DSTYK: variants seen among roughly 807,000 people sequenced by gnomAD.
The protein encoded by DSTYK is RIP-homologous kinase.
Under a neutral mutation model 98.7 loss-of-function variants are expected in DSTYK, and 34 were observed. The observed-to-expected ratio is 0.34, with a 90% CI of 0.26 to 0.46. The LOEUF (loss-of-function observed/expected upper bound fraction) is 0.46. DSTYK is among the 20% of genes least tolerant of loss of function. DSTYK has a pLI of 1.00. For synonymous variants in DSTYK, 462 were observed against 457.3 expected (o/e 1.01, Z -0.13); for missense variants, 962 against 1,181.7 (o/e 0.81, Z 2.73).
chr1:205,143,846 T>A lies in DSTYK; in HGVS notation c.*3712A>T, dbSNP rs1657143299. Reference sequence around the variant, plus strand: ...CCCCTATTTCTATCTGTGGTAGTAATGCATTCTTTCCTCCACTGCTTCCTT... The same window carrying A: ...CCCCTATTTCTATCTGTGGTAGTAAAGCATTCTTTCCTCCACTGCTTCCTT... On this transcript the variant is annotated 3_prime_UTR_variant, in exon 13 of 13. Transcript: ENST00000367162. 6.6e-6 allele frequency: 1 copy of A among 152,574 alleles called. No homozygotes were observed. The highest frequency in any genetic ancestry group is 1.9e-4 in the East Asian group (1 of 5,190). 9.5% of individuals were successfully genotyped at this position (152,574 alleles called of 1,614,324 possible).
In DSTYK at chr1:205,169,116, A is replaced by C; in HGVS notation, c.1324+47T>G. ...CTTAATTTCCGGCTAGAAAATGGTT[A>C]GAGACTCCTCCCGTGCCAGCACCCC... On this transcript the variant is annotated intron_variant, in intron 3 of 12. Transcript: ENST00000367162. This position sits in a 1 kb window ranked among gnomAD's most constrained non-coding sequence, Gnocchi z 4.0. 1.2e-5 allele frequency: 17 copies of C among 1,465,580 alleles called. No homozygotes were observed. The highest frequency in any genetic ancestry group is 1.6e-5 in the Non-Finnish European group (17 of 1,082,340). 90.8% of individuals were successfully genotyped at this position (1,465,580 alleles called of 1,614,324 possible).
Position 205,187,686 on chromosome 1 carries a change from T to C in DSTYK, c.386A>G (p.Asn129Ser), listed in dbSNP as rs1431438724. The change falls in exon 2 of 13, where the codon AAT becomes AGT. Residue 129 changes from asparagine to serine, a missense_variant. Transcript: ENST00000367162. ...AAGCACCTGCACCCCCAACAGCAGA[T>C]TCAACAGCTGGCACTTGACGTTACA... is the stretch of plus-strand genomic sequence containing the variant. ...QDCNVKCQLL[N>S]LLLGVQVLPT... is the part of the protein sequence containing the mutation. The C allele has an allele frequency of 6.2e-7, 1 of 1,614,212 alleles. No homozygotes were observed. The highest frequency in any genetic ancestry group is 1.1e-5 in the South Asian group (1 of 91,088).
rs114762711 is a variant in DSTYK, at chr1:205,159,570, G to A, written c.2215C>T (p.Arg739Trp). Residue 739 changes from arginine to tryptophan, a missense_variant, in exon 9 of 13, where the codon CGG (arginine) becomes TGG (tryptophan). Arg to Trp is a moderately radical substitution (Grantham distance 101). This residue lies in a region of DSTYK where 660 missense variants were observed against 855.0 expected (regional missense o/e 0.77). Coordinates refer to ENST00000367162, the MANE Select transcript of DSTYK (RefSeq NM_015375.3). ...ACCTTCAGCCCTGTGTAGAGATCCC[G>A]GTGTAGCCGCTCCATAATGAGGAGC... is the stretch of plus-strand genomic sequence containing the variant. ...AVLLIMERLH[R>W]DLYTGLKAGL... 3,376 of 1,575,970 alleles carry A rather than the reference G, an allele frequency of 2.1e-3. 41 individuals are homozygous for A. The highest frequency in any genetic ancestry group is 0.013 in the Middle Eastern group (77 of 5,858).
intron 2 of DSTYK, among the ~76,000 whole-genome samples, chr1:205,182,624 G>A (rs570314035): frequency 6.6e-6 from 1 of 151,116 alleles, no homozygotes; most frequent in South Asian, 2.1e-4. Context: ...TGGCCAACAT[G>A]GCGAAACCCC....
At chr1:205,184,144 G>A (rs1383014053) in intron 2 of DSTYK, among the ~76,000 whole-genome samples, 1 of 152,076 alleles carries the variant, frequency 6.6e-6, no homozygotes, top group African/African-American at 2.4e-5. Flanking sequence ...CCAGGAGCAG[G>A]CCCTGGGAGC....
intron 1 of DSTYK, among the ~76,000 whole-genome samples, chr1:205,208,718 T>G (rs750793508): frequency 1.3e-5 from 2 of 152,064 alleles, no homozygotes; most frequent in Non-Finnish European, 2.9e-5. Context: ...TACAAAAAAT[T>G]TAAAAAAGAA....
At chr1:205,211,180 GAAGA>G (rs1659362065) in intron 1 of DSTYK, 87 bp downstream of exon 1, 1 of 1,473,060 alleles carries the variant, frequency 6.8e-7, no homozygotes, top group South Asian at 1.4e-5. Context: ...GCCTGCCCGA[GAAGA>G]CTCGGGCTTG....
chr1:205,187,450 G>C lies in DSTYK; in HGVS notation c.622C>G (p.Leu208Val). The C allele has an allele frequency of 6.2e-7, 1 of 1,613,688 alleles. No individual in the cohort carries two copies. The change falls in exon 2 of 13, where the codon CTG (leucine) becomes GTG (valine). Residue 208 changes from leucine to valine, a missense_variant. Physicochemically the swap from Leu to Val is conservative, Grantham distance 32. This residue lies in a region of DSTYK where 660 missense variants were observed against 855.0 expected (regional missense o/e 0.77). Transcript: ENST00000367162. Reference sequence around the variant, plus strand: ...AGAGCATGGTGCATCGTTACCTCCAGTTCCGCTAAAACATGAGCAGCATCC... The same window carrying C: ...AGAGCATGGTGCATCGTTACCTCCACTTCCGCTAAAACATGAGCAGCATCC... ...NEDAAHVLAE[L>V]EVTMHHALLQ...
chr1:205,188,901 A>G (rs1254163223), intron 1 of DSTYK, among the ~76,000 whole-genome samples: 1 of 152,186 alleles, frequency 6.6e-6, no homozygotes, highest in Non-Finnish European at 1.5e-5. Context: ...CCTAAATAGG[A>G]CAAAGGGAAA....
rs182153443 is a variant in DSTYK, at chr1:205,147,885, T to C, written c.2603-140A>G. 143 of 824,192 alleles carry C rather than the reference T, an allele frequency of 1.7e-4. 1 individual carries two copies. In the African/African-American group the frequency reaches 2.2e-3, roughly 13 times the overall value. 51.1% of individuals were successfully genotyped at this position (824,192 alleles called of 1,614,324 possible). On this transcript the variant is annotated intron_variant, in intron 12 of 12. Coordinates refer to ENST00000367162, the MANE Select transcript of DSTYK (RefSeq NM_015375.3). ...GGAGTTTTGACTTCGATTGCAAACA[T>C]CTAGGTTAGAACCTAACAGTAAGAG...
In DSTYK at chr1:205,182,817, A is replaced by AG. The variant is rs1230356760; in HGVS notation, c.654+4600_654+4601insC. ...GTAAGACTCCGTCTCAAAAAAAAAA[A>AG]AAAAGTTCCCTGAAGTAAACCCCAA... On this transcript the variant is annotated intron_variant, in intron 2 of 12. Transcript: ENST00000367162. Among the ~76,000 whole-genome samples, 13 of 152,158 alleles carry AG rather than the reference A, an allele frequency of 8.5e-5. No individual in the cohort carries two copies. The East Asian group carries it at 2.5e-3, about 29-fold the overall frequency.
intron 1 of DSTYK, among the ~76,000 whole-genome samples, chr1:205,206,948 T>C (rs1370357592): frequency 6.6e-6 from 1 of 152,086 alleles, no homozygotes; most frequent in Non-Finnish European, 1.5e-5. Context: ...TATTTCCAGA[T>C]GAGGAAATAA....
intron 2 of DSTYK, among the ~76,000 whole-genome samples, chr1:205,178,099 A>G (rs1658285603): frequency 6.6e-6 from 1 of 152,146 alleles, no homozygotes; most frequent in South Asian, 2.1e-4. Flanking sequence ...GGCCAGATAT[A>G]AGACTTAGAA....
chr1:205,155,232 C>T (rs1657523075), intron 10 of DSTYK, among the ~76,000 whole-genome samples: 1 of 151,872 alleles, frequency 6.6e-6, no homozygotes, highest in East Asian at 2.0e-4. Context: ...GATCCACCCA[C>T]CTTGGCCTCC....
intron 2 of DSTYK, among the ~76,000 whole-genome samples, chr1:205,170,353 G>T (rs1658022724): frequency 6.6e-6 from 1 of 152,014 alleles, no homozygotes; most frequent in Admixed American, 6.6e-5. Flanking sequence ...CTATCACACA[G>T]CCCCAACCAA....
chr1:205,207,530 C>T (rs1574807296), intron 1 of DSTYK, among the ~76,000 whole-genome samples: 1 of 150,520 alleles, frequency 6.6e-6, no homozygotes, highest in Non-Finnish European at 1.5e-5. Context: ...GCAGGCAGAT[C>T]GCTTGAGGTC....
intron 12 of DSTYK, 45 bp downstream of exon 12, chr1:205,148,160 C>T (rs773152198): frequency 5.0e-6 from 8 of 1,611,518 alleles, no homozygotes; most frequent in African/African-American, 2.7e-5. Flanking sequence ...GCTCAGTCTG[C>T]GCTAGCCAGG....
In DSTYK at chr1:205,143,663, T is replaced by TA. The variant is rs762727072; in HGVS notation, c.*3894dup. 1 of 152,518 alleles carries TA rather than the reference T, an allele frequency of 6.6e-6. No homozygotes were observed. The highest frequency in any genetic ancestry group is 1.5e-5 in the Non-Finnish European group (1 of 68,032). The allele number at this position is 152,518 out of a possible 1,614,324, so 9.4% of individuals were successfully genotyped here. ...TAAATAATAAGCCAAAGCCAAAAAATAAAGTGTCATTCAGTGCAGTTGTCA... is the reference window on the plus strand; with the variant it reads ...TAAATAATAAGCCAAAGCCAAAAAATAAAAGTGTCATTCAGTGCAGTTGTCA... On this transcript the variant is annotated 3_prime_UTR_variant, in exon 13 of 13. Transcript: ENST00000367162.
rs996478065 is a variant in DSTYK at position 205,162,916 on chromosome 1, T to A, written c.1641+7A>T. 1.0e-5 allele frequency: 16 copies of A among 1,607,720 alleles called. No homozygotes were observed. The highest frequency in any genetic ancestry group is 1.4e-5 in the Non-Finnish European group (16 of 1,174,180). On this transcript the variant is annotated splice_region_variant and intron_variant, in intron 5 of 12. Transcript: ENST00000367162. The stretch of plus-strand genomic sequence containing the variant: ...TTTGAAATCTTTCTCTAAGTAATAA[T>A]CCCTACCTGTTTGATTTGCTCCCAT...
Sources: allele counts gnomAD v4.1 joint callset (sites outside exome capture counted in the v4.1 genomes callset), GRCh38; gene constraint gnomAD v4.1.1; regional missense constraint gnomAD v4.1.1; non-coding constraint Gnocchi (gnomAD v3.1); transcripts MANE v1.5; gene names NCBI Gene and HGNC (gene_info 2026-07-23, HGNC 2026-07-21).